ANO7: variants seen among roughly 807,000 people sequenced by gnomAD.
ANO7 encodes the protein anoctamin 7, also known as anoctamin-7.
ANO7 carries 114 observed loss-of-function variants against 115.8 expected under a neutral mutation model. The observed-to-expected ratio is 0.98, with a 90% CI of 0.85 to 1.15. The LOEUF (loss-of-function observed/expected upper bound fraction) is 1.15. ANO7 is among the 50% of genes most tolerant of loss of function. The probability of loss-of-function intolerance (pLI) is 0.00; values close to 1 mark genes in which losing one functional copy is unlikely to be tolerated. For missense variants in ANO7, 1,302 were observed against 1,201.2 expected, an observed-to-expected ratio of 1.08 and a Z score of -1.24; for synonymous variants, 550 against 498.2, an observed-to-expected ratio of 1.10 and a Z score of -1.38.
intron 21 of ANO7, among the ~76,000 whole-genome samples, chr2:241,218,782 C>CT (rs374270795): frequency 4.6e-5 from 7 of 152,210 alleles, no homozygotes; most frequent in African/African-American, 1.7e-4. Flanking sequence ...GCTTACAACT[C>CT]TAAGGGTCTA....
At chr2:241,235,466 TGGCCTCCCGGGAAA>T in the ANO7 span, 1 of 1,585,738 alleles carries the variant, frequency 6.3e-7, no homozygotes. Flanking sequence ...TCCTGTGACA[TGGCCTCCCGGGAAA>T]GGGGTCTACC....
chr2:241,216,179 G>C lies in ANO7; in HGVS notation c.1913G>C (p.Trp638Ser). 6.2e-7 allele frequency: 1 copy of C among 1,613,162 alleles called. No individual in the cohort carries two copies. Among genetic ancestry groups the C allele is most frequent in the Non-Finnish European group, 8.5e-7 (1 of 1,179,862 alleles). ...TCTGCAGGGGCTAGCCAGGGGCCCT[G>C]GGAGGACGACTATGAGCTTGTGCCC... ...GASAGASQGPWEDDYELVPCE... is the reference protein window; with the variant it reads ...GASAGASQGPSEDDYELVPCE... The change falls in exon 19 of 25, where the codon TGG becomes TCG. Residue 638 changes from tryptophan (W) to serine (S), a missense_variant. Coordinates refer to ENST00000674324, the MANE Select transcript of ANO7 (RefSeq NM_001370694.2).
In ANO7 at chr2:241,209,433, G is replaced by A. The variant is rs1211486634; in HGVS notation, c.1221+5G>A. ...TCTGACTACGAGGACACTGAGGTGA[G>A]CCACCCCCGCTGGACCACGGTCACA... On this transcript the variant is annotated splice_donor_5th_base_variant and intron_variant, in intron 12 of 24. Transcript: ENST00000674324. 2 of 1,594,786 alleles carry A rather than the reference G, an allele frequency of 1.3e-6. No individual in the cohort carries two copies. Among genetic ancestry groups the A allele is most frequent in the Non-Finnish European group, 1.7e-6 (2 of 1,172,262 alleles).
chr2:241,220,525 C>T (rs1355931075), intron 21 of ANO7, among the ~76,000 whole-genome samples: 1 of 152,026 alleles, frequency 6.6e-6, no homozygotes, highest in African/African-American at 2.4e-5. Flanking sequence ...GGTGAAACTC[C>T]ATCCCTGTTA....
intron 17 of ANO7, 65 bp downstream of exon 17, chr2:241,212,691 C>A (rs1574786240): frequency 6.6e-7 from 1 of 1,512,584 alleles, no homozygotes. Flanking sequence ...TCCATTCTTC[C>A]ATTCGAGCTT....
intron 19 of ANO7, chr2:241,217,473 G>T: frequency 1.7e-6 from 1 of 578,966 alleles, no homozygotes; most frequent in Non-Finnish European, 3.0e-6. Context: ...CAGAAGCACG[G>T]AGCGCAGGGC....
chr2:241,218,188 C>CGCGCAGGGGCGGAGCGGGGGA, intron 20 of ANO7, 51 bp from the exon 21 acceptor site: 1 of 1,018,340 alleles, frequency 9.8e-7, no homozygotes, highest in Non-Finnish European at 1.2e-6. Context: ...GGAGCGGGGG[C>CGCGCAGGGGCGGAGCGGGGGA]GCGCAGGGGC....
At chr2:241,217,035 G>A (rs920722442) in intron 19 of ANO7, among the ~76,000 whole-genome samples, 1 of 152,114 alleles carries the variant, frequency 6.6e-6, no homozygotes, top group African/African-American at 2.4e-5. Flanking sequence ...GTTTCACCGT[G>A]TTGGCCAGGC....
the ANO7 span, chr2:241,238,903 G>C: frequency 1.3e-6 from 1 of 780,078 alleles, no homozygotes; most frequent in Non-Finnish European, 1.9e-6. This position sits in a 1 kb window ranked among gnomAD's most constrained non-coding sequence, Gnocchi z 4.9. Context: ...ACTTGGCACA[G>C]ATGCTCCCCT....
the ANO7 span, among the ~76,000 whole-genome samples, chr2:241,232,138 A>G: frequency 6.6e-6 from 1 of 152,170 alleles, no homozygotes; most frequent in African/African-American, 2.4e-5. Flanking sequence ...CTCAGGCACC[A>G]CCCGCGTGCT....
In ANO7 at chr2:241,209,663, C is replaced by G. The variant is rs201571233; in HGVS notation, c.1359+28C>G. The G allele has an allele frequency of 4.0e-6, 6 of 1,512,182 alleles. No homozygotes were observed. In the African/African-American group the frequency reaches 8.3e-5, roughly 21 times the overall value. 93.7% of individuals were successfully genotyped at this position (1,512,182 alleles called of 1,614,324 possible). On this transcript the variant is annotated intron_variant, in intron 13 of 24. Transcript: ENST00000674324. The stretch of plus-strand genomic sequence containing the variant: ...ATGCGGTCCCCCTGCCCTCCGCTCA[C>G]GCCTCCATCCTCCTGCACCATGTGG...
intron 11 of ANO7, among the ~76,000 whole-genome samples, chr2:241,208,342 A>T (rs919539214): frequency 2.0e-5 from 3 of 152,240 alleles, no homozygotes; most frequent in Non-Finnish European, 4.4e-5. Context: ...CTGGGGACTC[A>T]GCCCCAGGCC....
Position 241,209,569 on chromosome 2 carries a change from G to A in ANO7, c.1293G>A (p.Glu431=), listed in dbSNP as rs2068672677. 2 of 1,603,558 alleles carry A rather than the reference G, an allele frequency of 1.2e-6. No individual in the cohort carries two copies. The highest frequency in any genetic ancestry group is 1.3e-5 in the African/African-American group (1 of 74,770). Residue 431 remains glutamate, a synonymous_variant, in exon 13 of 25, where the codon GAG becomes GAA. Transcript: ENST00000674324. The stretch of plus-strand genomic sequence containing the variant: ...CGAACCCCATCACGGGTGAGGACGA[G>A]CCCTACTTCCCTGAGAGGAGCCGCG... ...TAPNPITGED[E]PYFPERSRAR... is the part of the protein sequence containing the mutation.
rs781278110 is a variant in ANO7 at position 241,190,145 on chromosome 2, T to C, written c.82T>C (p.Tyr28His). The C allele has an allele frequency of 1.3e-6, 2 of 1,572,074 alleles. No homozygotes were observed. Among genetic ancestry groups the C allele is most frequent in the Non-Finnish European group, 1.7e-6 (2 of 1,158,890 alleles). Residue 28 changes from tyrosine (Y) to histidine (H), a missense_variant, in exon 2 of 25, where the codon TAC becomes CAC. Transcript: ENST00000674324. ...CCCTGAGGCAGAGAAGAGGGGCTCT[T>C]ACGGGAGCACAGCCCACGCCTCGGA... ...SPPEAEKRGS[Y>H]GSTAHASEPG...
chr2:241,200,541 G>A (rs369424454), intron 6 of ANO7, among the ~76,000 whole-genome samples: 11 of 152,348 alleles, frequency 7.2e-5, no homozygotes, highest in African/African-American at 2.2e-4. Context: ...CTCAGGGCCC[G>A]GGCGATGGAG....
At chr2:241,207,027 CACAGGTGGACAGGAGTGCTCCCAGGCTG>C (rs1338759455) in intron 10 of ANO7, among the ~76,000 whole-genome samples, 3,673 of 137,348 alleles carry the variant, frequency 0.027, 173 homozygotes, top group African/African-American at 0.074. Flanking sequence ...CCCAGGCTGA[CACAGGTGGACAGGAGTGCTCCCAGGCTG>C]ACAGGTGGAC....
At chr2:241,237,690 T>A in the ANO7 span, among the ~76,000 whole-genome samples, 1 of 151,550 alleles carries the variant, frequency 6.6e-6, no homozygotes, top group African/African-American at 2.4e-5. Flanking sequence ...CCACCATGAA[T>A]AAAGGGACAT....
chr2:241,204,213 G>A lies in ANO7; in HGVS notation c.890-652G>A, dbSNP rs564244697. ...CCCTGGGACAGCACGGCCAGGCTGG[G>A]GGCTTCTGGGGGCAAGCAGGGCCAG... is the stretch of plus-strand genomic sequence containing the variant. On this transcript the variant is annotated intron_variant, in intron 9 of 24. Coordinates refer to ENST00000674324, the MANE Select transcript of ANO7 (RefSeq NM_001370694.2). Among the ~76,000 whole-genome samples the A allele has an allele frequency of 1.2e-3, 189 of 152,328 alleles. 2 individuals are homozygous for A. Among genetic ancestry groups the A allele is most frequent in the Non-Finnish European group, 1.8e-3 (121 of 68,024 alleles).
At chr2:241,239,568 G>T in the ANO7 span, 3 of 1,571,982 alleles carry the variant, frequency 1.9e-6, no homozygotes, top group African/African-American at 4.0e-5. This position sits in a 1 kb window ranked among gnomAD's most constrained non-coding sequence, Gnocchi z 4.6. Context: ...CCACTGGGGG[G>T]TGAGAACCCC....
Sources: gnomAD v4.1 joint callset for allele counts (sites outside exome capture counted in the v4.1 genomes callset) on GRCh38, gnomAD v4.1.1 for gene constraint, Gnocchi (gnomAD v3.1) non-coding constraint, MANE v1.5 for transcripts, NCBI Gene and HGNC (gene_info 2026-07-23, HGNC 2026-07-21) for gene names.